ADGRL2: variants seen among roughly 807,000 people sequenced by gnomAD.
The protein encoded by ADGRL2 is calcium-independent alpha-latrotoxin receptor 2.
A neutral mutation model predicts 157.4 loss-of-function variants in ADGRL2; 44 were observed. That is an observed-to-expected ratio of 0.28 (90% CI 0.22 to 0.36). The LOEUF (loss-of-function observed/expected upper bound fraction) is 0.36, where lower values mean the gene tolerates loss of function less well. ADGRL2 is among the 10% of genes least tolerant of loss of function. ADGRL2 has a pLI of 1.00. For missense variants in ADGRL2, 1,510 were observed against 1,768.9 expected, an observed-to-expected ratio of 0.85 and a Z score of 2.63; for synonymous variants, 585 against 624.7, an observed-to-expected ratio of 0.94 and a Z score of 0.95.
At chr1:81,662,737 A>G (rs1215597369) in intron 3 of ADGRL2, among the ~76,000 whole-genome samples, 1 of 150,570 alleles carries the variant, frequency 6.6e-6, no homozygotes, top group Admixed American at 6.6e-5. Context: ...TTGTATTTTT[A>G]GTAGAGACGG....
chr1:81,675,734 A>G (rs4992358), intron 3 of ADGRL2, among the ~76,000 whole-genome samples: 7,854 of 152,114 alleles, frequency 0.052, 229 homozygotes, highest in Admixed American at 0.073. Context: ...GGCGTGTGCC[A>G]TCACACCCAG....
intron 1 of ADGRL2, among the ~76,000 whole-genome samples, chr1:81,361,929 A>G (rs1456343239): frequency 6.6e-6 from 1 of 151,580 alleles, no homozygotes; most frequent in Non-Finnish European, 1.5e-5. Context: ...CCAGTAGCAT[A>G]CACTATGGTT....
At chr1:81,750,398 T>C (rs2085451472) in intron 1 of ADGRL2, among the ~76,000 whole-genome samples, 1 of 152,162 alleles carries the variant, frequency 6.6e-6, no homozygotes, top group African/African-American at 2.4e-5. Context: ...TGTTTCATTG[T>C]CAGACAAGTT....
At chr1:81,690,695 T>C (rs2083314126) in intron 3 of ADGRL2, among the ~76,000 whole-genome samples, 1 of 152,216 alleles carries the variant, frequency 6.6e-6, no homozygotes, top group Non-Finnish European at 1.5e-5. Flanking sequence ...ACTTTTTTTC[T>C]GGGTTATTCA....
At chr1:81,516,330 A>G (rs754268604) in intron 2 of ADGRL2, among the ~76,000 whole-genome samples, 2 of 152,206 alleles carry the variant, frequency 1.3e-5, no homozygotes, top group Non-Finnish European at 2.9e-5. Flanking sequence ...AAGGTTGGGA[A>G]TGTAGAATAC....
At chr1:81,383,973 GAAAAGAAAA>G (rs1214389399) in intron 1 of ADGRL2, among the ~76,000 whole-genome samples, 5 of 146,786 alleles carry the variant, frequency 3.4e-5, no homozygotes, top group Non-Finnish European at 7.5e-5. Context: ...AAAAAGAAAA[GAAAAGAAAA>G]AAAAGAAAAA....
intron 1 of ADGRL2, among the ~76,000 whole-genome samples, chr1:81,736,365 T>C (rs1016772879): frequency 2.6e-5 from 4 of 152,166 alleles, no homozygotes; most frequent in Admixed American, 6.5e-5. Flanking sequence ...CTCCCCTTGA[T>C]ATTGTAGGGA....
chr1:81,636,904 T>G (rs2082125690), intron 3 of ADGRL2, among the ~76,000 whole-genome samples: 1 of 152,198 alleles, frequency 6.6e-6, no homozygotes, highest in Non-Finnish European at 1.5e-5. Context: ...GGCGCGATCT[T>G]AGCTCACTGC....
At chr1:81,704,790 A>G (rs935918865) in intron 1 of ADGRL2, among the ~76,000 whole-genome samples, 1 of 152,202 alleles carries the variant, frequency 6.6e-6, no homozygotes, top group African/African-American at 2.4e-5. Context: ...CAGGCACTGG[A>G]GTGTATGTAG....
chr1:81,570,213 A>G (rs2080655278), intron 2 of ADGRL2, among the ~76,000 whole-genome samples: 2 of 152,356 alleles, frequency 1.3e-5, no homozygotes, highest in Middle Eastern at 3.4e-3. Context: ...CACTTGGACC[A>G]TCTTGGAACC....
At chr1:81,936,505 T>G (rs993352865) in intron 3 of ADGRL2, among the ~76,000 whole-genome samples, 1 of 152,022 alleles carries the variant, frequency 6.6e-6, no homozygotes, top group Middle Eastern at 3.4e-3. Context: ...TTTTTTTACT[T>G]CTAGTTAAAA....
At position 81,801,411 on chromosome 1, in the gene ADGRL2, G is replaced by GTC. The variant is rs140144868; in HGVS notation, c.-101+356_-101+357dup. Among the ~76,000 whole-genome samples the GTC allele has an allele frequency of 7.0e-3, 1,057 of 151,900 alleles. 8 individuals are homozygous for GTC. Among genetic ancestry groups the GTC allele is most frequent in the Non-Finnish European group, 9.2e-3 (624 of 67,886 alleles). On this transcript the variant is annotated intron_variant, in intron 1 of 23. Coordinates refer to ENST00000686636, the MANE Select transcript of ADGRL2 (RefSeq NM_001366006.2). ...CTGTGTCAGGACTTCGCATTCCCCCGTCTCTCTCTCTCTCCCTCTCGCTCC... is the reference window on the plus strand; with the variant it reads ...CTGTGTCAGGACTTCGCATTCCCCCGTCTCTCTCTCTCTCTCCCTCTCGCTCC...
At position 81,943,618 on chromosome 1, in the gene ADGRL2, C is replaced by A; in HGVS notation, c.1059C>A (p.Asn353Lys). Residue 353 changes from asparagine (N) to lysine (K), a missense_variant, in exon 6 of 24, where the codon AAC (asparagine) becomes AAA (lysine). Physicochemically the swap from Asn to Lys is moderately conservative, Grantham distance 94. Transcript: ENST00000686636. This position sits in a 1 kb window ranked among gnomAD's most constrained non-coding sequence, Gnocchi z 5.6. ...SIDYIYNTRLNRGEYVDVPFP... is the reference protein window; with the variant it reads ...SIDYIYNTRLKRGEYVDVPFP... ...ATTACATTTATAATACCCGATTAAA[C>A]CGAGGAGAATATGTAGATGTTCCCT... The A allele has an allele frequency of 1.2e-6, 2 of 1,613,610 alleles. No homozygotes were observed. Among genetic ancestry groups the A allele is most frequent in the Non-Finnish European group, 1.7e-6 (2 of 1,179,710 alleles).
chr1:81,822,364 G>GA (rs1020391246), intron 1 of ADGRL2, among the ~76,000 whole-genome samples: 2 of 151,150 alleles, frequency 1.3e-5, no homozygotes, highest in East Asian at 3.9e-4. Flanking sequence ...AGTTGTGCAA[G>GA]AAAAAAATCT....
intron 2 of ADGRL2, among the ~76,000 whole-genome samples, chr1:81,545,016 G>T (rs1322347038): frequency 6.6e-6 from 1 of 152,096 alleles, no homozygotes; most frequent in East Asian, 1.9e-4. Context: ...CCCAGGTCAC[G>T]AGACATCCCT....
At chr1:81,763,084 AG>A (rs1427301085) in intron 2 of ADGRL2, among the ~76,000 whole-genome samples, 1 of 151,368 alleles carries the variant, frequency 6.6e-6, no homozygotes, top group Admixed American at 6.6e-5. Context: ...AAGACACAAA[AG>A]GTACACAAAA....
chr1:81,607,346 C>T (rs1557501654), intron 3 of ADGRL2, among the ~76,000 whole-genome samples: 2 of 152,202 alleles, frequency 1.3e-5, no homozygotes, highest in Non-Finnish European at 2.9e-5. Flanking sequence ...TACATGTAGT[C>T]TCTGCCATCA....
intron 2 of ADGRL2, among the ~76,000 whole-genome samples, chr1:81,522,006 C>A (rs1314580888): frequency 6.6e-6 from 1 of 151,100 alleles, no homozygotes; most frequent in African/African-American, 2.4e-5. Context: ...GTTCTGTCAC[C>A]CAGGCTGGAG....
At chr1:81,673,132 G>A (rs1302907440) in intron 3 of ADGRL2, among the ~76,000 whole-genome samples, 1 of 152,018 alleles carries the variant, frequency 6.6e-6, no homozygotes, top group African/African-American at 2.4e-5. Flanking sequence ...TCTTATTTCT[G>A]GCATTTAAAG....
Sources: gnomAD v4.1 joint callset for allele counts (sites outside exome capture counted in the v4.1 genomes callset) on GRCh38, gnomAD v4.1.1 for gene constraint, Gnocchi (gnomAD v3.1) non-coding constraint, MANE v1.5 for transcripts, NCBI Gene and HGNC (gene_info 2026-07-23, HGNC 2026-07-21) for gene names.